Variants in SLC41A2 observed in about 807,000 individuals in gnomAD.
SLC41A2 encodes the protein SLC41A1-like 1.
SLC41A2 carries 32 observed loss-of-function variants against 58.3 expected under a neutral mutation model. The ratio of observed to expected loss-of-function variants is 0.55; its 90% CI spans 0.41 to 0.74. The LOEUF (loss-of-function observed/expected upper bound fraction) is 0.74, where lower values mean the gene tolerates loss of function less well. Among genes scored for constraint, SLC41A2 ranks in the 30% least tolerant of loss-of-function variants. The pLI is 0.00. For synonymous variants in SLC41A2, 190 were observed against 235.0 expected, an observed-to-expected ratio of 0.81 and a Z score of 1.75; for missense variants, 514 against 680.6, an observed-to-expected ratio of 0.76 and a Z score of 2.72.
At chr12:104,882,638 A>C (rs1438226825) in intron 6 of SLC41A2, among the ~76,000 whole-genome samples, 2 of 152,148 alleles carry the variant, frequency 1.3e-5, no homozygotes, top group African/African-American at 2.4e-5. Flanking sequence ...AGAATGTTGA[A>C]TATTGGCCCC....
At chr12:104,878,646 GC>G (rs1565865937) in intron 6 of SLC41A2, among the ~76,000 whole-genome samples, 2 of 152,082 alleles carry the variant, frequency 1.3e-5, no homozygotes, top group Admixed American at 6.6e-5. Flanking sequence ...GTGGGCTCAT[GC>G]TTTTTTATGG....
intron 2 of SLC41A2, among the ~76,000 whole-genome samples, chr12:104,918,628 G>GAAAAAAAAAAAAA (rs34865307): frequency 1.8e-5 from 2 of 111,504 alleles, no homozygotes; most frequent in Admixed American, 9.8e-5. Flanking sequence ...GGAGATACAT[G>GAAAAAAAAAAAAA]AAAAAAAAAA....
At chr12:104,831,620 TA>T (rs1592956414) in intron 10 of SLC41A2, among the ~76,000 whole-genome samples, 1 of 152,202 alleles carries the variant, frequency 6.6e-6, no homozygotes, top group African/African-American at 2.4e-5. Flanking sequence ...ATTTTACATT[TA>T]AAAAATATAC....
chr12:104,910,987 G>A (rs537997954), intron 2 of SLC41A2, among the ~76,000 whole-genome samples: 1 of 152,244 alleles, frequency 6.6e-6, no homozygotes, highest in East Asian at 1.9e-4. Context: ...TCTGAAGCCT[G>A]CTACCTGGAG....
At chr12:104,935,115 G>A (rs1040269176) in intron 1 of SLC41A2, among the ~76,000 whole-genome samples, 2 of 152,004 alleles carry the variant, frequency 1.3e-5, no homozygotes, top group Non-Finnish European at 2.9e-5. Flanking sequence ...ATGCCACCAC[G>A]CCCGGCTAAT....
intron 9 of SLC41A2, among the ~76,000 whole-genome samples, chr12:104,845,349 GA>G (rs938189686): frequency 6.6e-5 from 10 of 151,556 alleles, no homozygotes; most frequent in South Asian, 2.1e-4. Context: ...TTTCATCAGG[GA>G]AAAAAAATGA....
chr12:104,940,490 A>G (rs2047464567), intron 1 of SLC41A2, among the ~76,000 whole-genome samples: 1 of 149,716 alleles, frequency 6.7e-6, no homozygotes, highest in African/African-American at 2.5e-5. Flanking sequence ...TAAAATTTAA[A>G]GTATAATAAA....
chr12:104,853,109 T>TA (rs1204810495), intron 8 of SLC41A2, among the ~76,000 whole-genome samples: 28 of 152,310 alleles, frequency 1.8e-4, no homozygotes, highest in African/African-American at 5.1e-4. Context: ...GTTGATGAAA[T>TA]AAAGTTTGAG....
intron 6 of SLC41A2, among the ~76,000 whole-genome samples, chr12:104,882,771 C>T (rs1396038580): frequency 2.6e-5 from 4 of 152,126 alleles, no homozygotes; most frequent in South Asian, 2.1e-4. Context: ...TCATTTCAAC[C>T]TTGGTGAATC....
intron 8 of SLC41A2, among the ~76,000 whole-genome samples, chr12:104,860,506 A>G (rs1025049207): frequency 1.3e-5 from 2 of 152,132 alleles, no homozygotes; most frequent in Non-Finnish European, 2.9e-5. Flanking sequence ...GAATTTAAGT[A>G]TTATAATTCC....
chr12:104,852,267 T>C (rs1202920317), intron 8 of SLC41A2, among the ~76,000 whole-genome samples: 2 of 152,224 alleles, frequency 1.3e-5, no homozygotes, highest in Non-Finnish European at 2.9e-5. Flanking sequence ...TCCATAGGAA[T>C]GCATAAATTG....
At chr12:104,898,750 G>A (rs1024711832) in intron 3 of SLC41A2, among the ~76,000 whole-genome samples, 1 of 152,054 alleles carries the variant, frequency 6.6e-6, no homozygotes, top group South Asian at 2.1e-4. Context: ...ATAAAGGGCT[G>A]CTATCCAAAA....
At chr12:104,926,283 T>C (rs2046836154) in intron 2 of SLC41A2, among the ~76,000 whole-genome samples, 1 of 152,180 alleles carries the variant, frequency 6.6e-6, no homozygotes, top group Non-Finnish European at 1.5e-5. Context: ...TAATAGGTAT[T>C]TGGTAACCAC....
chr12:104,884,889 A>G (rs1329352936), intron 6 of SLC41A2, among the ~76,000 whole-genome samples: 1 of 152,192 alleles, frequency 6.6e-6, no homozygotes, highest in Non-Finnish European at 1.5e-5. Context: ...ATTAAGCCAC[A>G]TTTTCTAATG....
intron 1 of SLC41A2, among the ~76,000 whole-genome samples, chr12:104,952,681 T>C (rs2048000140): frequency 6.6e-6 from 1 of 152,202 alleles, no homozygotes; most frequent in Admixed American, 6.5e-5. Context: ...CACACCCTCA[T>C]TTTCTATTGT....
chr12:104,884,067 C>G (rs1032590674), intron 6 of SLC41A2, among the ~76,000 whole-genome samples: 1 of 152,256 alleles, frequency 6.6e-6, no homozygotes, highest in Non-Finnish European at 1.5e-5. Flanking sequence ...CCTCCCCCAG[C>G]CTCGCTGCCA....
chr12:104,853,911 ATTTT>A (rs1555202443), intron 8 of SLC41A2, among the ~76,000 whole-genome samples: 923 of 59,408 alleles, frequency 0.016, 30 homozygotes, highest in East Asian at 0.13. Context: ...TGCCTGGCTG[ATTTT>A]TTTTTTTTTT....
intron 1 of SLC41A2, among the ~76,000 whole-genome samples, chr12:104,946,250 A>G (rs889099889): frequency 5.9e-5 from 9 of 152,090 alleles, no homozygotes; most frequent in African/African-American, 1.4e-4. Flanking sequence ...ACAAATTTCA[A>G]TCAGGCACTT....
chr12:104,877,100 A>T (rs2044085933), intron 6 of SLC41A2, among the ~76,000 whole-genome samples: 1 of 152,232 alleles, frequency 6.6e-6, no homozygotes, highest in African/African-American at 2.4e-5. Flanking sequence ...CTATCATAAA[A>T]TCCTCTTTTT....
Sources: allele counts gnomAD v4.1 joint callset (sites outside exome capture counted in the v4.1 genomes callset), GRCh38; gene constraint gnomAD v4.1.1; transcripts MANE v1.5; gene names NCBI Gene and HGNC (gene_info 2026-07-23, HGNC 2026-07-21).